The following CALM2 variants were observed in gnomAD, a reference collection of about 807,000 sequenced individuals.
CALM2 encodes calmodulin 2.
A neutral mutation model predicts 19.8 loss-of-function variants in CALM2; 2 were observed. The observed-to-expected ratio is 0.10, with a 90% CI of 0.04 to 0.32. CALM2 has a LOEUF of 0.32. CALM2 is among the 10% of genes least tolerant of loss of function. The pLI is 1.00. For missense variants in CALM2, 38 were observed against 178.7 expected (o/e 0.21, Z 4.49); for synonymous variants, 51 against 52.1 (o/e 0.98, Z 0.09).
At chr2:47,162,877 G>T in intron 2 of CALM2, 1 of 466,962 alleles carries the variant, frequency 2.1e-6, no homozygotes, top group Non-Finnish European at 3.8e-6. Context: ...ATTGAAATGT[G>T]ACTTTGACTC....
upstream of CALM2, chr2:47,176,534 C>T (rs373526087): frequency 2.0e-4 from 324 of 1,580,966 alleles, no homozygotes; most frequent in Non-Finnish European, 2.7e-4. Flanking sequence ...CCGCCCCCAG[C>T]GCCTCATAAA....
intron 2 of CALM2, among the ~76,000 whole-genome samples, chr2:47,168,364 A>T (rs1017984570): frequency 1.3e-5 from 2 of 152,190 alleles, no homozygotes; most frequent in Non-Finnish European, 2.9e-5. Flanking sequence ...AAGCCAAGAA[A>T]AGATAGGATT....
At chr2:47,170,926 C>A in intron 1 of CALM2, 162 bp from the exon 2 acceptor site, 1 of 648,212 alleles carries the variant, frequency 1.5e-6, no homozygotes, top group Non-Finnish European at 2.8e-6. Context: ...TTTCTCTTAT[C>A]TTCAAAGCTA....
rs1231018767 is a variant in CALM2, at chr2:47,160,161, CCAT to C, written c.*612_*614del. The C allele has an allele frequency of 6.6e-6, 1 of 152,484 alleles. No individual in the cohort carries two copies. The highest frequency in any genetic ancestry group is 1.9e-4 in the East Asian group (1 of 5,194). 9.4% of individuals were successfully genotyped at this position (152,484 alleles called of 1,614,324 possible). ...GTTAAATGACTCAGATGCAGAGCAA[CCAT>C]TGGGTAAATTGTAATTTTTTTATTG... On this transcript the variant is annotated 3_prime_UTR_variant, in exon 6 of 6. Transcript: ENST00000272298.
chr2:47,167,968 T>G (rs1051750677), intron 2 of CALM2, among the ~76,000 whole-genome samples: 2 of 151,596 alleles, frequency 1.3e-5, no homozygotes, highest in Non-Finnish European at 1.5e-5. Flanking sequence ...AAAAATTGCC[T>G]TCATCTCAAA....
At chr2:47,166,725 A>G (rs1666486784) in intron 2 of CALM2, among the ~76,000 whole-genome samples, 1 of 152,204 alleles carries the variant, frequency 6.6e-6, no homozygotes, top group Non-Finnish European at 1.5e-5. Context: ...AACTAGCGTA[A>G]TCTTTATGTA....
chr2:47,160,571 T>TG lies in CALM2; in HGVS notation c.*204dup. The TG allele has an allele frequency of 2.2e-6, 1 of 452,640 alleles. No individual in the cohort carries two copies. The highest frequency in any genetic ancestry group is 4.9e-5 in the South Asian group (1 of 20,254). 28.0% of individuals were successfully genotyped at this position (452,640 alleles called of 1,614,324 possible). On this transcript the variant is annotated 3_prime_UTR_variant, in exon 6 of 6. Transcript: ENST00000272298. Reference sequence around the variant, plus strand: ...TATCCAGAGTAAGCCACATGCAACATGTTACTTGATCAATTTTCTAAAATA... The same window carrying TG: ...TATCCAGAGTAAGCCACATGCAACATGGTTACTTGATCAATTTTCTAAAATA...
chr2:47,160,595 T>G lies in CALM2; in HGVS notation c.*181A>C. 1 of 466,498 alleles carries G rather than the reference T, an allele frequency of 2.1e-6. No individual in the cohort carries two copies. The highest frequency in any genetic ancestry group is 3.9e-6 in the Non-Finnish European group (1 of 257,114). The allele number at this position is 466,498 out of a possible 1,614,324, so 28.9% of individuals were successfully genotyped here. On this transcript the variant is annotated 3_prime_UTR_variant, in exon 6 of 6. Coordinates refer to ENST00000272298, the MANE Select transcript of CALM2 (RefSeq NM_001743.6). ...ATGTTACTTGATCAATTTTCTAAAA[T>G]AAGGTTTTAGGACAATGACAGTAAG... is the stretch of plus-strand genomic sequence containing the variant.
chr2:47,162,171 C>CAAAAAAAA (rs56839340), intron 4 of CALM2, 115 bp downstream of exon 4: 111 of 130,118 alleles, frequency 8.5e-4, no homozygotes, highest in African/African-American at 2.6e-3. Context: ...GGTAAATCAT[C>CAAAAAAAA]AAAAAAAAAA....
chr2:47,167,772 C>A (rs1441954574), intron 2 of CALM2: 2 of 114,028 alleles, frequency 1.8e-5, no homozygotes, highest in East Asian at 4.7e-4. Flanking sequence ...GTCACCAGCA[C>A]TTACAACTAA....
At chr2:47,161,589 AG>A (rs1277647318) in intron 5 of CALM2, 133 bp downstream of exon 5, 30 of 696,600 alleles carry the variant, frequency 4.3e-5, no homozygotes, top group Non-Finnish European at 6.8e-5. Flanking sequence ...AATTTTAAGA[AG>A]GTTAAATGTA....
chr2:47,176,188 C>G (rs371001439), intron 1 of CALM2: 12 of 522,796 alleles, frequency 2.3e-5, no homozygotes, highest in African/African-American at 1.3e-4. Context: ...GCCAAGCCCC[C>G]GAGGAGCTTC....
Position 47,166,345 on chromosome 2 carries a change from G to A in CALM2, c.35-3683C>T, listed in dbSNP as rs537915063. Among the ~76,000 whole-genome samples the A allele has an allele frequency of 7.2e-5, 11 of 152,240 alleles. No individual in the cohort carries two copies. In the South Asian group the frequency reaches 2.1e-3, roughly 29 times the overall value. ...GGGTATCTTTTAACACCACCATTAG[G>A]TGCATAAATTCCCAATGTTTAATTA... On this transcript the variant is annotated intron_variant, in intron 2 of 5. Coordinates refer to ENST00000272298, the MANE Select transcript of CALM2 (RefSeq NM_001743.6).
chr2:47,176,124 TTCTC>T (rs1476155501), intron 1 of CALM2: 3 of 379,838 alleles, frequency 7.9e-6, no homozygotes, highest in Admixed American at 8.9e-5. Flanking sequence ...TTCCTTCACT[TTCTC>T]TCCTTCCCGT....
At chr2:47,173,413 T>C (rs905588768) in intron 1 of CALM2, 3 of 152,228 alleles carry the variant, frequency 2.0e-5, no homozygotes, top group Admixed American at 1.3e-4. Context: ...TTCTTCCCAC[T>C]GCTCTTGCCA....
At position 47,160,245 on chromosome 2, in the gene CALM2, T is replaced by C. The variant is rs1687114428; in HGVS notation, c.*531A>G. On this transcript the variant is annotated 3_prime_UTR_variant, in exon 6 of 6. Transcript: ENST00000272298. ...TGAGGCAAATTGTGCCATAAGCAGA[T>C]TTTAAGTGGCTAAACAAAGTTTAAA... 6.5e-6 allele frequency: 1 copy of C among 152,676 alleles called. No homozygotes were observed. Among genetic ancestry groups the C allele is most frequent in the East Asian group, 1.9e-4 (1 of 5,202 alleles). 9.5% of individuals were successfully genotyped at this position (152,676 alleles called of 1,614,324 possible).
At chr2:47,166,255 C>G (rs762769775) in intron 2 of CALM2, among the ~76,000 whole-genome samples, 4 of 152,120 alleles carry the variant, frequency 2.6e-5, no homozygotes, top group Non-Finnish European at 5.9e-5. Flanking sequence ...CACCTTTCAC[C>G]TAATTTAGGT....
chr2:47,162,687 CAA>C (rs776410315), intron 2 of CALM2, 25 bp from the exon 3 acceptor site: 62 of 1,544,064 alleles, frequency 4.0e-5, no homozygotes, highest in Non-Finnish European at 4.7e-5. Flanking sequence ...GACCACAATC[CAA>C]ATACACAGAT....
chr2:47,168,521 C>G (rs1326561078), intron 2 of CALM2, among the ~76,000 whole-genome samples: 2 of 152,052 alleles, frequency 1.3e-5, no homozygotes. Flanking sequence ...GGTGGATCAC[C>G]TGAGGTTGCG....
Sources: allele counts gnomAD v4.1 joint callset (sites outside exome capture counted in the v4.1 genomes callset), GRCh38; gene constraint gnomAD v4.1.1; transcripts MANE v1.5; gene names NCBI Gene and HGNC (gene_info 2026-07-23, HGNC 2026-07-21).